The following MCF2L variants were observed in gnomAD, a reference collection of about 807,000 sequenced individuals.
The protein encoded by MCF2L is guanine nucleotide exchange factor DBS.
In MCF2L, 97 loss-of-function variants were observed where a neutral mutation model predicts 153.4. The observed-to-expected ratio is 0.63, with a 90% CI of 0.54 to 0.75. The LOEUF is 0.75. Among genes scored for constraint, MCF2L ranks in the 30% least tolerant of loss-of-function variants. The probability of loss-of-function intolerance (pLI) is 0.00; values close to 1 mark genes in which losing one functional copy is unlikely to be tolerated. For missense variants in MCF2L, 1,347 were observed against 1,495.2 expected, an observed-to-expected ratio of 0.90 and a Z score of 1.64; for synonymous variants, 659 against 632.2, an observed-to-expected ratio of 1.04 and a Z score of -0.64.
intron 2 of MCF2L, among the ~76,000 whole-genome samples, chr13:112,933,506 A>G (rs550751881): frequency 6.6e-6 from 1 of 152,322 alleles, no homozygotes; most frequent in South Asian, 2.1e-4. Flanking sequence ...ATGGAGGAGA[A>G]CAGGAGAGGC....
chr13:112,997,697 C>A (rs906996335), intron 1 of MCF2L, among the ~76,000 whole-genome samples: 1 of 152,220 alleles, frequency 6.6e-6, no homozygotes, highest in African/African-American at 2.4e-5. Flanking sequence ...GGTCGGTCAC[C>A]CCACCCTCGT....
intron 1 of MCF2L, among the ~76,000 whole-genome samples, chr13:112,982,493 C>T (rs2082471467): frequency 6.6e-6 from 1 of 152,328 alleles, no homozygotes; most frequent in Non-Finnish European, 1.5e-5. Flanking sequence ...AGGCTCTGCC[C>T]CTCTGCCCAT....
intron 26 of MCF2L, chr13:113,094,219 C>A: frequency 4.6e-6 from 1 of 219,240 alleles, no homozygotes; most frequent in Non-Finnish European, 8.9e-6. Context: ...GGCTGAGGGG[C>A]ACTGCCCTGC....
intron 2 of MCF2L, among the ~76,000 whole-genome samples, chr13:112,913,370 C>T (rs917015360): frequency 1.3e-5 from 2 of 152,068 alleles, no homozygotes; most frequent in African/African-American, 4.8e-5. Context: ...AGAACATTAT[C>T]ACTCACCTCA....
chr13:113,013,969 C>A (rs1030836317), intron 1 of MCF2L, among the ~76,000 whole-genome samples: 2 of 150,438 alleles, frequency 1.3e-5, no homozygotes, highest in Non-Finnish European at 2.9e-5. Flanking sequence ...CGAGCTGATG[C>A]TGGCCTAGTG....
chr13:113,038,013 T>C (rs1383502636), intron 3 of MCF2L, among the ~76,000 whole-genome samples: 1 of 152,228 alleles, frequency 6.6e-6, no homozygotes, highest in African/African-American at 2.4e-5. Context: ...AACTTAATTG[T>C]ATTTTAGTAT....
chr13:112,949,796 A>G (rs2140705749), intron 2 of MCF2L, among the ~76,000 whole-genome samples: 1 of 152,270 alleles, frequency 6.6e-6, no homozygotes, highest in Non-Finnish European at 1.5e-5. Context: ...CATGACACTA[A>G]ATGGTGAAAA....
intron 2 of MCF2L, among the ~76,000 whole-genome samples, chr13:112,955,128 C>T (rs949259320): frequency 6.6e-5 from 10 of 152,170 alleles, no homozygotes; most frequent in African/African-American, 2.4e-4. Flanking sequence ...GGGAAAGCTG[C>T]CTGAGGCAGC....
chr13:113,087,300 G>A lies in MCF2L; in HGVS notation c.2439G>A (p.Lys813=). ...QGSFSVWTDH[K]RGHTKVKELA... The stretch of plus-strand genomic sequence containing the variant: ...CGTTCAGCGTCTGGACCGACCACAA[G>A]AGGGGCCACACCAAGGTGAAGGAGC... Residue 813 remains lysine, a synonymous_variant, in exon 22 of 30, where the codon AAG becomes AAA. Transcript: ENST00000535094. 5 of 1,613,242 alleles carry A rather than the reference G, an allele frequency of 3.1e-6. No individual in the cohort carries two copies. The highest frequency in any genetic ancestry group is 1.1e-5 in the South Asian group (1 of 91,080).
At chr13:112,917,303 C>G (rs2081304029) in intron 2 of MCF2L, 2 of 393,958 alleles carry the variant, frequency 5.1e-6, no homozygotes, top group African/African-American at 2.1e-5. Context: ...TTCACTGCAC[C>G]TCTCCGTCCA....
intron 2 of MCF2L, among the ~76,000 whole-genome samples, chr13:112,923,332 C>T (rs940016459): frequency 1.8e-4 from 25 of 137,660 alleles, no homozygotes; most frequent in Admixed American, 1.7e-3. Flanking sequence ...GGCAAGATCT[C>T]GGCTCACTGC....
chr13:113,059,213 G>A (rs1376000291), intron 4 of MCF2L, among the ~76,000 whole-genome samples: 1 of 152,208 alleles, frequency 6.6e-6, no homozygotes, highest in African/African-American at 2.4e-5. Flanking sequence ...ATGAGCCCAG[G>A]TGTCCCTGCA....
At position 113,031,878 on chromosome 13, in the gene MCF2L, A is replaced by G. The variant is rs1340818326; in HGVS notation, c.278+7120A>G. ...AGGCTTGCACATGCCACACACACAC[A>G]CACACACACACAGATGCACGCAGAC... is the stretch of plus-strand genomic sequence containing the variant. On this transcript the variant is annotated intron_variant, in intron 3 of 29. Transcript: ENST00000535094. This position sits in a 1 kb window ranked among gnomAD's most constrained non-coding sequence, Gnocchi z 5.5. 6.6e-6 allele frequency among the ~76,000 whole-genome samples: 1 copy of G among 151,886 alleles called. No homozygotes were observed. The highest frequency in any genetic ancestry group is 1.5e-5 in the Non-Finnish European group (1 of 67,938).
At chr13:113,029,614 C>T (rs1454719267) in intron 3 of MCF2L, among the ~76,000 whole-genome samples, 1 of 152,172 alleles carries the variant, frequency 6.6e-6, no homozygotes, top group Admixed American at 6.5e-5. Flanking sequence ...GCTGTGTCCC[C>T]GGGAAGTACC....
chr13:113,046,762 C>T lies in MCF2L; in HGVS notation c.369+1401C>T. The T allele has an allele frequency of 2.2e-6, 1 of 455,952 alleles. No individual in the cohort carries two copies. The allele number at this position is 455,952 out of a possible 1,614,324, so 28.2% of individuals were successfully genotyped here. On this transcript the variant is annotated intron_variant, in intron 4 of 29. Coordinates refer to ENST00000535094, the MANE Select transcript of MCF2L (RefSeq NM_001112732.3). This position sits in a 1 kb window ranked among gnomAD's most constrained non-coding sequence, Gnocchi z 4.4. ...CCGCGGCGGATCCCCGTTCCTGACC[C>T]TGACTCAACCTGGCACACACCACCT...
At chr13:113,005,932 C>G (rs895539131) in intron 1 of MCF2L, among the ~76,000 whole-genome samples, 1 of 152,240 alleles carries the variant, frequency 6.6e-6, no homozygotes, top group East Asian at 1.9e-4. Context: ...CCAAGGGCTC[C>G]GTTCACAACA....
At position 112,924,062 on chromosome 13, in the gene MCF2L, C is replaced by T. The variant is rs138584478; in HGVS notation, c.169+21691C>T. On this transcript the variant is annotated intron_variant, in intron 2 of 29. Coordinates refer to the MCF2L transcript ENST00000375608. ...CATACGAGACCGGTTTATCCCGTTA[C>T]TGGTGGTGTTAAATTTGACGACATG... Among the ~76,000 whole-genome samples the T allele has an allele frequency of 1.4e-3, 218 of 152,174 alleles. 2 individuals are homozygous for T. Among genetic ancestry groups the T allele is most frequent in the African/African-American group, 5.0e-3 (208 of 41,490 alleles).
At chr13:113,049,199 G>C (rs961528353) in intron 4 of MCF2L, among the ~76,000 whole-genome samples, 4 of 152,364 alleles carry the variant, frequency 2.6e-5, no homozygotes, top group Non-Finnish European at 5.9e-5. Flanking sequence ...CAGGAGGCGG[G>C]CAGTGGTGGC....
At chr13:112,988,759 G>A (rs35073040) in intron 1 of MCF2L, among the ~76,000 whole-genome samples, 84 of 118,928 alleles carry the variant, frequency 7.1e-4, no homozygotes, top group African/African-American at 8.9e-4. Flanking sequence ...CCTGAGCAGG[G>A]GATGGAGCTA....
Sources: allele counts gnomAD v4.1 joint callset (sites outside exome capture counted in the v4.1 genomes callset), GRCh38; gene constraint gnomAD v4.1.1; non-coding constraint Gnocchi (gnomAD v3.1); transcripts MANE v1.5; gene names NCBI Gene and HGNC (gene_info 2026-07-23, HGNC 2026-07-21).